CEP43: variants seen among roughly 807,000 people sequenced by gnomAD.
CEP43 encodes FGFR1 oncogene partner.
CEP43 carries 36 observed loss-of-function variants against 52.6 expected under a neutral mutation model. That is an observed-to-expected ratio of 0.68 (90% confidence interval 0.52 to 0.90). CEP43 has a LOEUF of 0.90. Among genes scored for constraint, CEP43 ranks in the 40% least tolerant of loss-of-function variants. CEP43 has a pLI of 0.00. For synonymous variants in CEP43, 192 were observed against 172.4 expected (o/e 1.11, Z -0.89); for missense variants, 506 against 472.8 (o/e 1.07, Z -0.65).
At chr6:167,033,406 G>T (rs920635012) in intron 11 of CEP43, among the ~76,000 whole-genome samples, 2 of 152,118 alleles carry the variant, frequency 1.3e-5, no homozygotes, top group Admixed American at 6.5e-5. Context: ...ACCATGCCCT[G>T]TCGATTCCTT....
rs1284796331 is a variant in CEP43, at chr6:167,049,165, G to A, written c.*9187G>A. The A allele has an allele frequency of 6.6e-6, 1 of 152,152 alleles. No individual in the cohort carries two copies. Among genetic ancestry groups the A allele is most frequent in the Non-Finnish European group, 1.5e-5 (1 of 68,032 alleles). 9.4% of individuals were successfully genotyped at this position (152,152 alleles called of 1,614,324 possible). ...TTTTCTGGATTTTGTGACGTTTGTG[G>A]TATTTGTCAGATTTTTAAAATTTGT... On this transcript the variant is annotated 3_prime_UTR_variant, in exon 13 of 13. Coordinates refer to ENST00000366847, the MANE Select transcript of CEP43 (RefSeq NM_007045.4).
At position 167,048,138 on chromosome 6, in the gene CEP43, C is replaced by T. The variant is rs1359850668; in HGVS notation, c.*8160C>T. The T allele has an allele frequency of 6.6e-6, 1 of 152,134 alleles. No homozygotes were observed. The highest frequency in any genetic ancestry group is 1.5e-5 in the Non-Finnish European group (1 of 68,066). 9.4% of individuals were successfully genotyped at this position (152,134 alleles called of 1,614,324 possible). Reference sequence around the variant, plus strand: ...AGGCGTGGTGGCTCACACCTGTAATCCCAGCACTTACGGAGACCAAGGCGG... The same window carrying T: ...AGGCGTGGTGGCTCACACCTGTAATTCCAGCACTTACGGAGACCAAGGCGG... On this transcript the variant is annotated 3_prime_UTR_variant, in exon 13 of 13. Coordinates refer to ENST00000366847, the MANE Select transcript of CEP43 (RefSeq NM_007045.4).
rs1320035433 is a variant in CEP43 at position 167,049,468 on chromosome 6, T to C, written c.*9490T>C. 2 of 152,244 alleles carry C rather than the reference T, an allele frequency of 1.3e-5. No homozygotes were observed. The highest frequency in any genetic ancestry group is 2.9e-5 in the Non-Finnish European group (2 of 68,040). The allele number at this position is 152,244 out of a possible 1,614,324, so 9.4% of individuals were successfully genotyped here. On this transcript the variant is annotated 3_prime_UTR_variant, in exon 13 of 13. Coordinates refer to ENST00000366847, the MANE Select transcript of CEP43 (RefSeq NM_007045.4). ...CATATAAACGGAATTATACACTATG[T>C]GGCCTTTTATGACTGGCTTCTTTCA...
At chr6:167,011,406 G>A (rs914487682) in intron 6 of CEP43, among the ~76,000 whole-genome samples, 6 of 152,030 alleles carry the variant, frequency 3.9e-5, no homozygotes, top group African/African-American at 1.2e-4. Flanking sequence ...GCATGTGTGC[G>A]TCTGTTTGTG....
At chr6:167,013,749 G>A (rs1029966045) in intron 7 of CEP43, among the ~76,000 whole-genome samples, 182 bp downstream of exon 7, 3 of 152,188 alleles carry the variant, frequency 2.0e-5, no homozygotes, top group Non-Finnish European at 4.4e-5. Flanking sequence ...CAAGGCGGGC[G>A]GATCACTTGA....
chr6:167,025,456 C>G (rs969379389), intron 9 of CEP43, among the ~76,000 whole-genome samples: 9 of 152,152 alleles, frequency 5.9e-5, no homozygotes, highest in Non-Finnish European at 2.9e-5. Flanking sequence ...AAAGCATAGC[C>G]CTGAACATGT....
At chr6:167,022,166 T>C (rs1016334566) in intron 7 of CEP43, among the ~76,000 whole-genome samples, 2 of 151,858 alleles carry the variant, frequency 1.3e-5, no homozygotes, top group African/African-American at 4.8e-5. Flanking sequence ...CTAATATTTT[T>C]CCCCCTTTGA....
At chr6:167,019,556 T>C (rs1425742775) in intron 7 of CEP43, among the ~76,000 whole-genome samples, 1 of 152,208 alleles carries the variant, frequency 6.6e-6, no homozygotes, top group Non-Finnish European at 1.5e-5. Flanking sequence ...TACTGTGTGG[T>C]TTAGAACTAG....
chr6:167,002,555 T>C (rs1779762380), intron 2 of CEP43, among the ~76,000 whole-genome samples: 1 of 152,192 alleles, frequency 6.6e-6, no homozygotes. Context: ...CAAATTGCTG[T>C]CCAAACTCGT....
At chr6:167,000,802 C>T (rs6907735) in intron 2 of CEP43, among the ~76,000 whole-genome samples, 6,947 of 152,260 alleles carry the variant, frequency 0.046, 320 homozygotes, top group African/African-American at 0.11. Flanking sequence ...GCATTTTGCT[C>T]TGGACCCTAT....
intron 10 of CEP43, among the ~76,000 whole-genome samples, 188 bp downstream of exon 10, chr6:167,026,803 A>C (rs1444705940): frequency 2.0e-5 from 3 of 152,236 alleles, no homozygotes; most frequent in Non-Finnish European, 2.9e-5. Flanking sequence ...AGCAACAGCC[A>C]TCATGTTCTC....
chr6:167,034,539 C>G (rs1472098740), intron 12 of CEP43, among the ~76,000 whole-genome samples: 2 of 152,160 alleles, frequency 1.3e-5, no homozygotes, highest in Non-Finnish European at 2.9e-5. Context: ...CTGTCAGTAC[C>G]CACTTCAAGC....
intron 6 of CEP43, among the ~76,000 whole-genome samples, chr6:167,011,418 G>GT (rs1201370567): frequency 6.6e-6 from 1 of 152,072 alleles, no homozygotes; most frequent in Non-Finnish European, 1.5e-5. Context: ...CTGTTTGTGT[G>GT]TTTATGAGTT....
At position 167,025,623 on chromosome 6, in the gene CEP43, C is replaced by T. The variant is rs112345983; in HGVS notation, c.919+729C>T. Among the ~76,000 whole-genome samples, 315 of 152,292 alleles carry T rather than the reference C, an allele frequency of 2.1e-3. 2 individuals are homozygous for T. The highest frequency in any genetic ancestry group is 1.5e-3 in the Non-Finnish European group (101 of 68,034). ...GTTTTGCATAATTGTCCAGTATTTC[C>T]GAATCTTTTTGTATTGCTTGATATA... On this transcript the variant is annotated intron_variant, in intron 9 of 12. Transcript: ENST00000366847.
chr6:167,036,202 C>T (rs1450121646), intron 12 of CEP43: 8 of 985,200 alleles, frequency 8.1e-6, no homozygotes, highest in South Asian at 4.7e-5. Flanking sequence ...AATATTTGAC[C>T]GGGATTTTGA....
rs999586164 is a variant in CEP43 at position 167,022,161 on chromosome 6, AT to A, written c.580-243del. ...AATGGTATTAATATATTTCTCTAAT[AT>A]TTTTCCCCCTTTGAAAGTTTGCCAT... On this transcript the variant is annotated intron_variant, in intron 7 of 12. Coordinates refer to ENST00000366847, the MANE Select transcript of CEP43 (RefSeq NM_007045.4). Among the ~76,000 whole-genome samples the A allele has an allele frequency of 7.2e-5, 11 of 151,908 alleles. No individual in the cohort carries two copies. The East Asian group carries it at 1.9e-3, about 27-fold the overall frequency.
chr6:167,004,991 A>T (rs1255902347), intron 5 of CEP43, among the ~76,000 whole-genome samples: 1 of 152,204 alleles, frequency 6.6e-6, no homozygotes, highest in African/African-American at 2.4e-5. Flanking sequence ...AATTGTGCTA[A>T]TGAGATTAAT....
intron 7 of CEP43, among the ~76,000 whole-genome samples, chr6:167,014,114 G>A (rs755533715): frequency 1.3e-5 from 2 of 152,180 alleles, no homozygotes; most frequent in Non-Finnish European, 2.9e-5. Flanking sequence ...GGCAATTAGA[G>A]TTGAAAATAC....
In CEP43 at chr6:167,052,714, C is replaced by A. The variant is rs1315975583; in HGVS notation, c.*12736C>A. The A allele has an allele frequency of 6.6e-6, 1 of 152,114 alleles. No homozygotes were observed. Among genetic ancestry groups the A allele is most frequent in the Non-Finnish European group, 1.5e-5 (1 of 68,038 alleles). The allele number at this position is 152,114 out of a possible 1,614,324, so 9.4% of individuals were successfully genotyped here. ...AAATTAAATAAATTTTATGCACAAA[C>A]CTTTCATGGCTGTCTGCGATCTTTT... On this transcript the variant is annotated 3_prime_UTR_variant, in exon 13 of 13. Transcript: ENST00000366847.
Sources: gnomAD v4.1 joint callset for allele counts (sites outside exome capture counted in the v4.1 genomes callset) on GRCh38, gnomAD v4.1.1 for gene constraint, MANE v1.5 for transcripts, NCBI Gene and HGNC (gene_info 2026-07-23, HGNC 2026-07-21) for gene names.